The following MLLT10 variants were observed in gnomAD, a reference collection of about 807,000 sequenced individuals.
MLLT10 encodes MLLT10 histone lysine methyltransferase DOT1L cofactor, also known as protein AF-10.
A neutral mutation model predicts 129.1 loss-of-function variants in MLLT10; 30 were observed. That is an observed-to-expected ratio of 0.23 (90% CI 0.17 to 0.32). MLLT10 has a LOEUF of 0.32. Among genes scored for constraint, MLLT10 ranks in the 10% least tolerant of loss-of-function variants. The probability of loss-of-function intolerance (pLI) is 1.00; values close to 1 mark genes in which losing one functional copy is unlikely to be tolerated. For missense variants in MLLT10, 1,119 were observed against 1,268.3 expected (o/e 0.88, Z 1.79); for synonymous variants, 490 against 446.4 (o/e 1.10, Z -1.23).
intron 2 of MLLT10, among the ~76,000 whole-genome samples, 189 bp downstream of exon 2, chr10:21,534,993 C>T (rs1157959305): frequency 6.7e-6 from 1 of 149,486 alleles, no homozygotes; most frequent in Non-Finnish European, 1.5e-5. Context: ...CCCGGACTGT[C>T]ATGTGATTCC....
intron 9 of MLLT10, among the ~76,000 whole-genome samples, chr10:21,657,671 A>G (rs2049748286): frequency 6.6e-6 from 1 of 152,138 alleles, no homozygotes. Flanking sequence ...CTTTTAAAGT[A>G]CAGCTTTTGT....
intron 8 of MLLT10, chr10:21,624,714 TC>T: frequency 7.4e-7 from 1 of 1,344,398 alleles, no homozygotes; most frequent in Non-Finnish European, 1.1e-6. Flanking sequence ...GAGACCCAGT[TC>T]TGTTGTTTGT....
intron 3 of MLLT10, among the ~76,000 whole-genome samples, chr10:21,549,669 T>TC (rs922026868): frequency 2.0e-5 from 3 of 150,612 alleles, no homozygotes; most frequent in African/African-American, 7.3e-5. Context: ...CTTTTTTTTT[T>TC]TTTTTTTTTT....
intron 13 of MLLT10, among the ~76,000 whole-genome samples, chr10:21,712,402 A>C (rs141336149): frequency 2.0e-5 from 3 of 152,198 alleles, no homozygotes; most frequent in Admixed American, 2.0e-4. Context: ...TGTAGAGACA[A>C]TATCTCCCTT....
chr10:21,740,820 A>AC (rs2058766582), intron 22 of MLLT10, among the ~76,000 whole-genome samples: 1 of 152,186 alleles, frequency 6.6e-6, no homozygotes, highest in Admixed American at 6.5e-5. Context: ...ATACAGTAGA[A>AC]CCCATTTTAA....
At chr10:21,660,110 C>G (rs2050013983) in intron 9 of MLLT10, among the ~76,000 whole-genome samples, 1 of 151,944 alleles carries the variant, frequency 6.6e-6, no homozygotes. Flanking sequence ...ACTAGAGGTA[C>G]ACACCACCAT....
chr10:21,580,979 T>G (rs2041377265), intron 3 of MLLT10, among the ~76,000 whole-genome samples: 1 of 151,022 alleles, frequency 6.6e-6, no homozygotes, highest in South Asian at 2.1e-4. Context: ...CCCAAAGTGT[T>G]AGAATTACAG....
At chr10:21,540,850 G>C (rs1221690598) in intron 3 of MLLT10, among the ~76,000 whole-genome samples, 1 of 152,134 alleles carries the variant, frequency 6.6e-6, no homozygotes, top group Non-Finnish European at 1.5e-5. Flanking sequence ...GTGTTTGCCT[G>C]GGCAATTTTT....
At chr10:21,610,255 T>A (rs1589219337) in intron 5 of MLLT10, among the ~76,000 whole-genome samples, 2 of 152,174 alleles carry the variant, frequency 1.3e-5, no homozygotes, top group Admixed American at 1.3e-4. Flanking sequence ...AGGATGGGGA[T>A]CTGTGAATGG....
intron 6 of MLLT10, 29 bp downstream of exon 6, chr10:21,612,480 C>A: frequency 7.0e-7 from 1 of 1,427,532 alleles, no homozygotes; most frequent in Non-Finnish European, 9.8e-7. Context: ...TTGCACAGAA[C>A]TGAACTTGGT....
intron 8 of MLLT10, among the ~76,000 whole-genome samples, chr10:21,633,190 T>C (rs772103864): frequency 3.3e-5 from 5 of 152,226 alleles, no homozygotes; most frequent in African/African-American, 4.8e-5. Context: ...GCTTACCTCA[T>C]AGAGTTTTTA....
chr10:21,674,021 A>G, intron 11 of MLLT10, 102 bp downstream of exon 11: 1 of 848,432 alleles, frequency 1.2e-6, no homozygotes, highest in Non-Finnish European at 1.7e-6. Context: ...CTTGAAATTA[A>G]TAAATGACAT....
chr10:21,564,149 T>C (rs553386429), intron 3 of MLLT10, among the ~76,000 whole-genome samples: 1 of 152,244 alleles, frequency 6.6e-6, no homozygotes, highest in African/African-American at 2.4e-5. Context: ...GGTCTTGCTC[T>C]GTTACCTAGG....
chr10:21,680,960 A>G (rs1302689311), intron 11 of MLLT10, among the ~76,000 whole-genome samples: 1 of 152,156 alleles, frequency 6.6e-6, no homozygotes, highest in Non-Finnish European at 1.5e-5. Flanking sequence ...TGTCTCAAAA[A>G]AAAAAAAAAG....
intron 13 of MLLT10, among the ~76,000 whole-genome samples, chr10:21,685,856 A>G (rs765681554): frequency 2.0e-5 from 3 of 152,210 alleles, no homozygotes; most frequent in Non-Finnish European, 4.4e-5. Context: ...GCAATTAACA[A>G]TTTTCATTCA....
intron 2 of MLLT10, among the ~76,000 whole-genome samples, chr10:21,536,861 C>T (rs767456416): frequency 3.3e-5 from 5 of 151,988 alleles, no homozygotes; most frequent in African/African-American, 7.2e-5. Context: ...CTCGGCTCAC[C>T]GCAACCTCTG....
intron 13 of MLLT10, among the ~76,000 whole-genome samples, chr10:21,683,372 T>G (rs1207062300): frequency 6.6e-6 from 1 of 152,194 alleles, no homozygotes; most frequent in Non-Finnish European, 1.5e-5. Context: ...GAAAAGGGAT[T>G]GGCAGCATCC....
intron 9 of MLLT10, among the ~76,000 whole-genome samples, chr10:21,656,948 C>T (rs563964423): frequency 3.3e-5 from 5 of 152,224 alleles, no homozygotes; most frequent in East Asian, 1.9e-4. Flanking sequence ...ACTTGATGTA[C>T]GGAGTCCTTT....
At chr10:21,713,626 T>C (rs1487400016) in intron 13 of MLLT10, 146 bp from the exon 14 acceptor site, 1 of 622,592 alleles carries the variant, frequency 1.6e-6, no homozygotes, top group Non-Finnish European at 2.6e-6. Context: ...ATTTGTTTAG[T>C]TACTAGCACA....
Sources: allele counts gnomAD v4.1 joint callset (sites outside exome capture counted in the v4.1 genomes callset), GRCh38; gene constraint gnomAD v4.1.1; transcripts MANE v1.5; gene names NCBI Gene and HGNC (gene_info 2026-07-23, HGNC 2026-07-21).